Variants in LYPLAL1 observed in about 807,000 individuals in gnomAD.
LYPLAL1 encodes lysophospholipase like 1, also known as lysophospholipase-like protein 1.
A neutral mutation model predicts 19.7 loss-of-function variants in LYPLAL1; 23 were observed. That is an observed-to-expected ratio of 1.17 (90% CI 0.84 to 1.65). LYPLAL1 has a LOEUF of 1.65. Ranked by LOEUF, LYPLAL1 falls within the 40% of genes most tolerant of loss-of-function variation. The pLI, the probability that LYPLAL1 is intolerant of heterozygous loss-of-function variation, is 0.00. For synonymous variants in LYPLAL1, 119 were observed against 96.3 expected (o/e 1.24, Z -1.38); for missense variants, 355 against 279.4 (o/e 1.27, Z -1.93).
chr1:219,313,521 T>A, the LYPLAL1 span, among the ~76,000 whole-genome samples: 11 of 93,518 alleles, frequency 1.2e-4, no homozygotes, highest in African/African-American at 4.0e-4. Flanking sequence ...GTTTTCTTTT[T>A]AAAAAAACTT....
chr1:219,182,156 A>G (rs899239922), intron 2 of LYPLAL1, among the ~76,000 whole-genome samples: 2 of 152,150 alleles, frequency 1.3e-5, no homozygotes, highest in Non-Finnish European at 2.9e-5. Context: ...GCACCAGATT[A>G]TGGGCCAGTT....
the LYPLAL1 span, among the ~76,000 whole-genome samples, chr1:219,407,909 G>A: frequency 2.0e-5 from 3 of 152,162 alleles, no homozygotes; most frequent in Non-Finnish European, 4.4e-5. Context: ...GCAGAAACAG[G>A]ATGAGAGAGC....
At chr1:219,214,510 C>T (rs1044023159), downstream of LYPLAL1, among the ~76,000 whole-genome samples, 3 of 151,780 alleles carry the variant, frequency 2.0e-5, no homozygotes, top group African/African-American at 7.3e-5. Context: ...CAGAGATTTC[C>T]GCATACTATA....
At chr1:219,217,036 A>G (rs150400083), downstream of LYPLAL1, among the ~76,000 whole-genome samples, 11 of 152,286 alleles carry the variant, frequency 7.2e-5, no homozygotes, top group African/African-American at 2.6e-4. Context: ...TCTAAGACTG[A>G]GAATTTAATA....
At chr1:219,404,693 T>C in the LYPLAL1 span, among the ~76,000 whole-genome samples, 1 of 152,176 alleles carries the variant, frequency 6.6e-6, no homozygotes, top group African/African-American at 2.4e-5. Flanking sequence ...AATAAGTAAG[T>C]CCTAGTGTAC....
the LYPLAL1 span, among the ~76,000 whole-genome samples, chr1:219,424,876 A>G: frequency 6.6e-6 from 1 of 152,180 alleles, no homozygotes; most frequent in African/African-American, 2.4e-5. Flanking sequence ...CTTATATATA[A>G]GAGAAGAATA....
At position 219,210,685 on chromosome 1, in the gene LYPLAL1, A is replaced by C. The variant is rs1240714606; in HGVS notation, c.477+38A>C. 3 of 1,567,978 alleles carry C rather than the reference A, an allele frequency of 1.9e-6. No individual in the cohort carries two copies. The South Asian group carries it at 3.5e-5, about 18-fold the overall frequency. On this transcript the variant is annotated intron_variant, in intron 4 of 4. Coordinates refer to ENST00000366928, the MANE Select transcript of LYPLAL1 (RefSeq NM_138794.5). The stretch of plus-strand genomic sequence containing the variant: ...TTTAAAAAAAAATGAAAAAAATATG[A>C]AATATATACATGTTAAAACTAAAGC...
chr1:219,238,926 A>G, the LYPLAL1 span, among the ~76,000 whole-genome samples: 33 of 152,326 alleles, frequency 2.2e-4, no homozygotes, highest in African/African-American at 7.7e-4. Context: ...AGAAGATACT[A>G]TTTTTAAAAT....
chr1:219,384,570 A>T, the LYPLAL1 span, among the ~76,000 whole-genome samples: 1 of 152,202 alleles, frequency 6.6e-6, no homozygotes, highest in African/African-American at 2.4e-5. Context: ...TATAGAATAA[A>T]ATCCACAAAT....
the LYPLAL1 span, among the ~76,000 whole-genome samples, chr1:219,328,785 C>T: frequency 1.3e-5 from 2 of 152,164 alleles, no homozygotes; most frequent in South Asian, 2.1e-4. Flanking sequence ...CATCATTTGC[C>T]AACACAAAAA....
chr1:219,314,654 G>A, the LYPLAL1 span, among the ~76,000 whole-genome samples: 1 of 152,012 alleles, frequency 6.6e-6, no homozygotes, highest in Non-Finnish European at 1.5e-5. Flanking sequence ...CCGTGGTCTC[G>A]ATCTCCTGAC....
chr1:219,434,782 C>T, the LYPLAL1 span, among the ~76,000 whole-genome samples: 3 of 152,110 alleles, frequency 2.0e-5, no homozygotes, highest in East Asian at 1.9e-4. Flanking sequence ...CATTGACTTG[C>T]GTTACAGGAG....
the LYPLAL1 span, among the ~76,000 whole-genome samples, chr1:219,417,030 A>C: frequency 6.6e-6 from 1 of 152,182 alleles, no homozygotes; most frequent in South Asian, 2.1e-4. Context: ...ATTACTATTA[A>C]CCTGCACACA....
chr1:219,257,363 T>TTTG, the LYPLAL1 span, among the ~76,000 whole-genome samples: 8 of 149,680 alleles, frequency 5.3e-5, no homozygotes, highest in Non-Finnish European at 1.0e-4. Flanking sequence ...GTTTTTGTTT[T>TTTG]TTTTTTTTTT....
chr1:219,183,621 T>A (rs1294479483), intron 2 of LYPLAL1, among the ~76,000 whole-genome samples: 2 of 151,984 alleles, frequency 1.3e-5, no homozygotes, highest in Non-Finnish European at 2.9e-5. Flanking sequence ...TGTTTGCATA[T>A]CTATTACTGT....
chr1:219,175,996 A>G (rs1655782232), intron 1 of LYPLAL1, among the ~76,000 whole-genome samples: 1 of 152,248 alleles, frequency 6.6e-6, no homozygotes, highest in Non-Finnish European at 1.5e-5. Flanking sequence ...GTTGTTTTGC[A>G]GCTGCATTCT....
chr1:219,179,326 C>T (rs1193368426), intron 2 of LYPLAL1, 80 bp downstream of exon 2: 14 of 985,072 alleles, frequency 1.4e-5, no homozygotes, highest in Admixed American at 9.3e-5. Flanking sequence ...GCTAGGTGTT[C>T]TTTAAGCTTA....
chr1:219,266,615 C>A, the LYPLAL1 span, among the ~76,000 whole-genome samples: 4 of 152,030 alleles, frequency 2.6e-5, no homozygotes, highest in Non-Finnish European at 4.4e-5. Flanking sequence ...ATATTACACA[C>A]TATATATAAT....
chr1:219,220,466 A>G, the LYPLAL1 span, among the ~76,000 whole-genome samples: 1 of 151,928 alleles, frequency 6.6e-6, no homozygotes, highest in Non-Finnish European at 1.5e-5. Flanking sequence ...ATTAGGTAAA[A>G]GAGCATCATC....
Sources: allele counts gnomAD v4.1 joint callset (sites outside exome capture counted in the v4.1 genomes callset), GRCh38; gene constraint gnomAD v4.1.1; transcripts MANE v1.5; gene names NCBI Gene and HGNC (gene_info 2026-07-23, HGNC 2026-07-21).